The following EPPK1 variants were observed in gnomAD, a reference collection of about 807,000 sequenced individuals.
EPPK1 encodes epiplakin 1, also known as epiplakin.
For synonymous variants in EPPK1, 1,862 were observed against 1,721.2 expected, an observed-to-expected ratio of 1.08 and a Z score of -2.03; for missense variants, 3,823 against 3,673.3, an observed-to-expected ratio of 1.04 and a Z score of -1.05.
chr8:143,867,973 T>C lies in EPPK1; in HGVS notation c.5281A>G (p.Lys1761Glu). The C allele has an allele frequency of 6.2e-7, 1 of 1,613,578 alleles. No homozygotes were observed. Among genetic ancestry groups the C allele is most frequent in the Non-Finnish European group, 8.5e-7 (1 of 1,179,960 alleles). ...ETGLYLLQII[K>E]KGENYVYINE... is the part of the protein sequence containing the mutation. ...ATGTACACGTAGTTTTCTCCTTTCTTTATGATTTGTAGCAGGTACAGGCCC... is the reference window on the plus strand; with the variant it reads ...ATGTACACGTAGTTTTCTCCTTTCTCTATGATTTGTAGCAGGTACAGGCCC... The change falls in exon 2 of 2, where the codon AAG (lysine) becomes GAG (glutamate). Residue 1761 changes from lysine (K) to glutamate (E), a missense_variant. By Grantham distance (56) the Lys-to-Glu change is moderately conservative. Transcript: ENST00000615648.
rs1819383741 is a variant in EPPK1, at chr8:143,872,375, C to T, written c.879G>A (p.Leu293=). Residue 293 remains leucine (L), a synonymous_variant, in exon 2 of 2, where the codon CTG becomes CTA. Transcript: ENST00000615648. ...GTGSVAGVVL[L]PEGHKKSFFQ... ...AAAAGCTCTTCTTGTGGCCTTCGGG[C>T]AGCAGGACAACCCCGGCCACGCTGC... 3.1e-6 allele frequency: 5 copies of T among 1,604,590 alleles called. No individual in the cohort carries two copies. Among genetic ancestry groups the T allele is most frequent in the Middle Eastern group, 1.7e-4 (1 of 6,024 alleles).
At position 143,857,938 on chromosome 8, in the gene EPPK1, A is replaced by C; in HGVS notation, c.*49T>G. 1 of 1,010,140 alleles carries C rather than the reference A, an allele frequency of 9.9e-7. No individual in the cohort carries two copies. The highest frequency in any genetic ancestry group is 1.4e-6 in the Non-Finnish European group (1 of 703,226). 62.6% of individuals were successfully genotyped at this position (1,010,140 alleles called of 1,614,324 possible). A position where few individuals can be genotyped will look rare whatever the true frequency, so the allele number is the denominator to read the frequency against. On this transcript the variant is annotated 3_prime_UTR_variant, in exon 2 of 2. Coordinates refer to ENST00000615648, the MANE Select transcript of EPPK1 (RefSeq NM_031308.4). ...AAAAAAACAACCCAGACACACAAGT[A>C]TGCCTCCACTTCTCCAGAGTTGCAG...
At position 143,866,348 on chromosome 8, in the gene EPPK1, C is replaced by G. The variant is rs1273860399; in HGVS notation, c.6906G>C (p.Ser2302=). ...VGGEIQEKLL[S]AERAVTGYTD... is the part of the protein sequence containing the mutation. The stretch of plus-strand genomic sequence containing the variant: ...TGTAGCCGGTGACGGCGCGCTCGGC[C>G]GACAGCAGCTTCTCCTGGATCTCGC... Residue 2302 remains serine, a synonymous_variant, in exon 2 of 2, where the codon TCG becomes TCC. Coordinates refer to ENST00000615648, the MANE Select transcript of EPPK1 (RefSeq NM_031308.4). 1.5e-4 allele frequency: 102 copies of G among 683,584 alleles called. No homozygotes were observed. The highest frequency in any genetic ancestry group is 2.1e-4 in the Non-Finnish European group (91 of 439,946). The allele number at this position is 683,584 out of a possible 1,614,324, so 42.3% of individuals were successfully genotyped here.
Position 143,871,384 on chromosome 8 carries a change from G to A in EPPK1, c.1870C>T (p.Leu624=), listed in dbSNP as rs782108008. ...TTGCATCGGGCCTCATAGATGCTCA[G>A]GCGTTCCTGGGAGCCAGGGAGCAGC... is the stretch of plus-strand genomic sequence containing the variant. ...GLLLPGSQER[L]SIYEARCKGL... is the part of the protein sequence containing the mutation. Residue 624 remains leucine, a synonymous_variant, in exon 2 of 2, where the codon CTG becomes TTG. Transcript: ENST00000615648. 2 of 1,606,566 alleles carry A rather than the reference G, an allele frequency of 1.2e-6. No homozygotes were observed. The highest frequency in any genetic ancestry group is 2.2e-5 in the South Asian group (2 of 90,036).
At position 143,870,534 on chromosome 8, in the gene EPPK1, A is replaced by C. The variant is rs1819308104; in HGVS notation, c.2720T>G (p.Leu907Arg). ...GGCCTCCGGGCTGATTGTCCCGGCC[A>C]GCACTTGGTCCAACAGCTGCTGGTC... The part of the protein sequence containing the change: ...IIDQQLLDQV[L>R]AGTISPEALL... Residue 907 changes from leucine to arginine, a missense_variant, in exon 2 of 2, where the codon CTG becomes CGG. Transcript: ENST00000615648. The surrounding 1 kb of genome is among the most constrained non-coding windows in gnomAD (Gnocchi z 5.2). The C allele has an allele frequency of 6.2e-7, 1 of 1,611,094 alleles. No individual in the cohort carries two copies. The highest frequency in any genetic ancestry group is 8.5e-7 in the Non-Finnish European group (1 of 1,178,992).
Position 143,870,344 on chromosome 8 carries a change from G to A in EPPK1, c.2910C>T (p.Thr970=), listed in dbSNP as rs781970069. 2.8e-5 allele frequency: 44 copies of A among 1,557,708 alleles called. No homozygotes were observed. Among genetic ancestry groups the A allele is most frequent in the East Asian group, 7.0e-5 (3 of 42,748 alleles). Residue 970 remains threonine, a synonymous_variant, in exon 2 of 2, where the codon ACC becomes ACT. Transcript: ENST00000615648. The surrounding 1 kb of genome is among the most constrained non-coding windows in gnomAD (Gnocchi z 5.2). ...GGCTGTGAGGGTCCATGATGGTTCC[G>A]GTGGCCGCCTGGGCCTCCAGCAGGG... ...ALALLEAQAA[T]GTIMDPHSPE...
Position 143,870,877 on chromosome 8 carries a change from G to A in EPPK1, c.2377C>T (p.Leu793=). ...ERCVRDPETG[L]YLLPLSSTQS... is the part of the protein sequence containing the mutation. ...GTGCTGCTGAGTGGCAGGAGGTACA[G>A]GCCCGTCTCGGGGTCACGCACACAG... Residue 793 remains leucine (L), a synonymous_variant, in exon 2 of 2, where the codon CTG becomes TTG. Transcript: ENST00000615648. This position sits in a 1 kb window ranked among gnomAD's most constrained non-coding sequence, Gnocchi z 5.2. 2 of 1,613,090 alleles carry A rather than the reference G, an allele frequency of 1.2e-6. No individual in the cohort carries two copies. The highest frequency in any genetic ancestry group is 1.7e-6 in the Non-Finnish European group (2 of 1,179,964).
At position 143,869,757 on chromosome 8, in the gene EPPK1, T is replaced by C. The variant is rs781965596; in HGVS notation, c.3497A>G (p.Gln1166Arg). The C allele has an allele frequency of 6.2e-7, 1 of 1,602,548 alleles. No homozygotes were observed. Among genetic ancestry groups the C allele is most frequent in the Non-Finnish European group, 8.5e-7 (1 of 1,175,534 alleles). ...EQRRGLLEDVQEGRTTVPQLL... is the reference protein window; with the variant it reads ...EQRRGLLEDVREGRTTVPQLL... Reference sequence around the variant, plus strand: ...CTGTGGCACAGTGGTCCTCCCCTCCTGCACGTCCTCCAGCAGGCCCCTCCG... The same window carrying C: ...CTGTGGCACAGTGGTCCTCCCCTCCCGCACGTCCTCCAGCAGGCCCCTCCG... Residue 1166 changes from glutamine (Q) to arginine (R), a missense_variant, in exon 2 of 2, where the codon CAG becomes CGG. Coordinates refer to ENST00000615648, the MANE Select transcript of EPPK1 (RefSeq NM_031308.4).
chr8:143,870,616 G>C lies in EPPK1; in HGVS notation c.2638C>G (p.Leu880Val), dbSNP rs781933509. 1.6e-5 allele frequency: 25 copies of C among 1,606,816 alleles called. No individual in the cohort carries two copies. The highest frequency in any genetic ancestry group is 2.0e-5 in the Non-Finnish European group (24 of 1,177,650). The stretch of plus-strand genomic sequence containing the variant: ...GTGACCCGGCTCCGCAGTGCGGGCA[G>C]CATGATGTCCGCCTGTCTCTGCGTC... ...AETQRQADIM[L>V]PALRSRVTVH... Residue 880 changes from leucine to valine, a missense_variant, in exon 2 of 2, where the codon CTG (leucine) becomes GTG (valine). By Grantham distance (32) the Leu-to-Val change is conservative. Transcript: ENST00000615648. This position sits in a 1 kb window ranked among gnomAD's most constrained non-coding sequence, Gnocchi z 5.2.
rs781872344 is a variant in EPPK1 at position 143,870,782 on chromosome 8, T to A, written c.2472A>T (p.Gly824=). The A allele has an allele frequency of 5.0e-6, 8 of 1,612,546 alleles. No individual in the cohort carries two copies. In the South Asian group the frequency reaches 8.8e-5, roughly 18 times the overall value. The change falls in exon 2 of 2, where the codon GGA becomes GGT. Residue 824 remains glycine (G), a synonymous_variant. Transcript: ENST00000615648. The surrounding 1 kb of genome is among the most constrained non-coding windows in gnomAD (Gnocchi z 5.2). ...FQNLLLSVKY[G]RFQGQRVSAW... Reference sequence around the variant, plus strand: ...CGGAGACCCTCTGCCCCTGAAACCGTCCATACTTCACGGAGAGCAGCAGGT... The same window carrying A: ...CGGAGACCCTCTGCCCCTGAAACCGACCATACTTCACGGAGAGCAGCAGGT...
Position 143,869,778 on chromosome 8 carries a change from C to T in EPPK1, c.3476G>A (p.Arg1159Lys), listed in dbSNP as rs1220916232. The stretch of plus-strand genomic sequence containing the variant: ...CTCCTGCACGTCCTCCAGCAGGCCC[C>T]TCCGTTGCTCCTCGGTGAAGTGGCA... ...SSCHFTEEQRRGLLEDVQEGR... is the reference protein window; with the variant it reads ...SSCHFTEEQRKGLLEDVQEGR... Residue 1159 changes from arginine to lysine, a missense_variant, in exon 2 of 2, where the codon AGG (arginine) becomes AAG (lysine). Coordinates refer to ENST00000615648, the MANE Select transcript of EPPK1 (RefSeq NM_031308.4). The T allele has an allele frequency of 1.2e-6, 2 of 1,604,922 alleles. No individual in the cohort carries two copies. The highest frequency in any genetic ancestry group is 1.7e-6 in the Non-Finnish European group (2 of 1,176,660).
chr8:143,872,421 C>T lies in EPPK1; in HGVS notation c.833G>A (p.Arg278Gln), dbSNP rs781906539. 212 of 1,601,144 alleles carry T rather than the reference C, an allele frequency of 1.3e-4. No homozygotes were observed. The highest frequency in any genetic ancestry group is 1.6e-4 in the Non-Finnish European group (185 of 1,179,282). ...AVDVSARAEVRRYLEGTGSVA... is the reference protein window; with the variant it reads ...AVDVSARAEVQRYLEGTGSVA... ...GCTGCCGGTACCCTCCAGGTAGCGC[C>T]GCACCTCGGCACGTGCACTCACGTC... is the stretch of plus-strand genomic sequence containing the variant. Residue 278 changes from arginine to glutamine, a missense_variant, in exon 2 of 2, where the codon CGG (arginine) becomes CAG (glutamine). By Grantham distance (43) the Arg-to-Gln change is conservative (BLOSUM62 1). Transcript: ENST00000615648.
chr8:143,875,540 C>T (rs1427817610), intron 1 of EPPK1, among the ~76,000 whole-genome samples: 1 of 152,270 alleles, frequency 6.6e-6, no homozygotes, highest in Non-Finnish European at 1.5e-5. Context: ...GCTCAGGACA[C>T]AGTGTCAGGT....
In EPPK1 at chr8:143,872,619, T is replaced by A. The variant is rs1554661647; in HGVS notation, c.635A>T (p.His212Leu). Reference protein sequence around the residue: ...DPNTLERLTYHQLLERCVRAP... With the variant: ...DPNTLERLTYLQLLERCVRAP... ...ACGCACACACCTTTCCAGCAGCTGG[T>A]GGTATGTCAGCCGCTCCAGCGTGTT... Residue 212 changes from histidine (H) to leucine (L), a missense_variant, in exon 2 of 2, where the codon CAC (histidine) becomes CTC (leucine). Coordinates refer to ENST00000615648, the MANE Select transcript of EPPK1 (RefSeq NM_031308.4). The A allele has an allele frequency of 1.9e-6, 3 of 1,610,214 alleles. No homozygotes were observed. In the South Asian group the frequency reaches 3.3e-5, roughly 18 times the overall value.
In EPPK1 at chr8:143,865,855, G is replaced by A. The variant is rs1287445928; in HGVS notation, c.7399C>T (p.Arg2467Trp). ...TATCTGCTCAGCAGGTCCTGGCGCC[G>A]GTCCTCGGACACCTCGCGGTAGAAG... ...LLFYREVSED[R>W]RQDLLSRYRA... Residue 2467 changes from arginine (R) to tryptophan (W), a missense_variant, in exon 2 of 2, where the codon CGG becomes TGG. Transcript: ENST00000615648. The A allele has an allele frequency of 4.5e-4, 8 of 17,732 alleles. No homozygotes were observed. Among genetic ancestry groups the A allele is most frequent in the Non-Finnish European group, 5.0e-4 (6 of 12,050 alleles). The allele number at this position is 17,732 out of a possible 1,614,324, so 1.1% of individuals were successfully genotyped here. A position where few individuals can be genotyped will look rare whatever the true frequency, so the allele number is the denominator to read the frequency against.
chr8:143,877,940 C>T lies in EPPK1; in HGVS notation c.-46+498G>A, dbSNP rs543082702. On this transcript the variant is annotated intron_variant, in intron 1 of 1. Coordinates refer to ENST00000615648, the MANE Select transcript of EPPK1 (RefSeq NM_031308.4). ...CCCGGAGTGGCCACCCCTGGGACCGCTCACCCAACAGCAGGCAGCTTCCCC... is the reference window on the plus strand; with the variant it reads ...CCCGGAGTGGCCACCCCTGGGACCGTTCACCCAACAGCAGGCAGCTTCCCC... Among the ~76,000 whole-genome samples, 7 of 152,194 alleles carry T rather than the reference C, an allele frequency of 4.6e-5. No homozygotes were observed. In the South Asian group the frequency reaches 1.5e-3, roughly 32 times the overall value.
At position 143,871,928 on chromosome 8, in the gene EPPK1, C is replaced by A. The variant is rs782545577; in HGVS notation, c.1326G>T (p.Thr442=). The A allele has an allele frequency of 1.9e-5, 30 of 1,603,770 alleles. No homozygotes were observed. In the South Asian group the frequency reaches 2.8e-4, roughly 15 times the overall value. Residue 442 remains threonine, a synonymous_variant, in exon 2 of 2, where the codon ACG becomes ACT. Coordinates refer to ENST00000615648, the MANE Select transcript of EPPK1 (RefSeq NM_031308.4). ...GCTGTTCATAGCGCAGGCCGCCGTG[C>A]GTGCCGTCTGAGAAGCTGCCAGCCT... ...LSQAGSFSDG[T]HGGLRYEQLL... is the part of the protein sequence containing the mutation.
At chr8:143,876,953 C>G (rs1359685967) in intron 1 of EPPK1, among the ~76,000 whole-genome samples, 2 of 152,228 alleles carry the variant, frequency 1.3e-5, no homozygotes, top group Non-Finnish European at 2.9e-5. Flanking sequence ...GCACAGGCCG[C>G]CAGCCCAGAC....
At chr8:143,877,812 GC>G (rs1241195898) in intron 1 of EPPK1, among the ~76,000 whole-genome samples, 5 of 151,946 alleles carry the variant, frequency 3.3e-5, no homozygotes, top group African/African-American at 1.2e-4. Context: ...TGCAGCGGGG[GC>G]CCAGGGCAGG....
Sources: allele counts gnomAD v4.1 joint callset (sites outside exome capture counted in the v4.1 genomes callset), GRCh38; gene constraint gnomAD v4.1.1; non-coding constraint Gnocchi (gnomAD v3.1); transcripts MANE v1.5; gene names NCBI Gene and HGNC (gene_info 2026-07-23, HGNC 2026-07-21).